GLDC: variants seen among roughly 807,000 people sequenced by gnomAD.
GLDC encodes glycine decarboxylase.
GLDC carries 104 observed loss-of-function variants against 121.3 expected under a neutral mutation model. That is an observed-to-expected ratio of 0.86 (90% CI 0.73 to 1.01). The LOEUF (loss-of-function observed/expected upper bound fraction) is 1.01. Among genes scored for constraint, GLDC ranks in the 50% least tolerant of loss-of-function variants. GLDC has a pLI of 0.00. For missense variants in GLDC, 1,429 were observed against 1,306.6 expected (o/e 1.09, Z -1.44); for synonymous variants, 546 against 480.6 (o/e 1.14, Z -1.78).
At chr9:6,582,834 A>G (rs1036570455) in intron 15 of GLDC, among the ~76,000 whole-genome samples, 10 of 152,162 alleles carry the variant, frequency 6.6e-5, no homozygotes, top group African/African-American at 2.2e-4. Context: ...GTCTCAAAAA[A>G]AAAAAAAAAG....
At chr9:6,602,488 TGCATCA>T (rs1055379820) in intron 7 of GLDC, among the ~76,000 whole-genome samples, 2 of 151,882 alleles carry the variant, frequency 1.3e-5, no homozygotes, top group African/African-American at 2.4e-5. Flanking sequence ...ACGATTCTAC[TGCATCA>T]GCCTCCTGAC....
intron 2 of GLDC, among the ~76,000 whole-genome samples, chr9:6,641,466 G>A (rs145981423): frequency 3.3e-5 from 5 of 152,264 alleles, no homozygotes; most frequent in Non-Finnish European, 5.9e-5. Flanking sequence ...GTACACCCAC[G>A]ACCTTGCAAA....
At chr9:6,597,252 T>A (rs1185072073) in intron 8 of GLDC, among the ~76,000 whole-genome samples, 1 of 152,234 alleles carries the variant, frequency 6.6e-6, no homozygotes, top group Non-Finnish European at 1.5e-5. Context: ...TTCATAGGAA[T>A]AGAATTTCTT....
chr9:6,600,110 T>C (rs1468980757), intron 8 of GLDC, among the ~76,000 whole-genome samples: 1 of 152,188 alleles, frequency 6.6e-6, no homozygotes, highest in Non-Finnish European at 1.5e-5. Context: ...CTCATGCCTA[T>C]AATCCTATCA....
intron 11 of GLDC, among the ~76,000 whole-genome samples, chr9:6,589,494 G>A (rs973831176): frequency 6.6e-6 from 1 of 152,100 alleles, no homozygotes; most frequent in East Asian, 1.9e-4. Flanking sequence ...GCAGTGGCAC[G>A]ATCTCAACTC....
At chr9:6,600,085 G>A (rs542731122) in intron 8 of GLDC, among the ~76,000 whole-genome samples, 1 of 152,292 alleles carries the variant, frequency 6.6e-6, no homozygotes, top group South Asian at 2.1e-4. Context: ...CAATTACAGT[G>A]GCCAGGCACG....
intron 1 of GLDC, 73 bp from the exon 2 acceptor site, chr9:6,644,765 A>T: frequency 9.7e-7 from 1 of 1,026,464 alleles, no homozygotes; most frequent in Non-Finnish European, 1.5e-6. Context: ...TGCGACTACA[A>T]AGCCTTGTGG....
chr9:6,556,659 G>T (rs927825186), intron 17 of GLDC, among the ~76,000 whole-genome samples: 4 of 152,114 alleles, frequency 2.6e-5, no homozygotes, highest in Non-Finnish European at 5.9e-5. Flanking sequence ...CGAGCATGGT[G>T]GCAGGTGCCT....
intron 4 of GLDC, among the ~76,000 whole-genome samples, chr9:6,609,545 C>T (rs1587964391): frequency 1.3e-5 from 2 of 152,124 alleles, no homozygotes; most frequent in East Asian, 1.9e-4. Context: ...GAGAGGCTCC[C>T]GGGCACTCAG....
intron 3 of GLDC, among the ~76,000 whole-genome samples, chr9:6,616,221 TTC>T (rs1034273472): frequency 2.0e-5 from 3 of 152,238 alleles, no homozygotes; most frequent in African/African-American, 7.2e-5. Context: ...TTCTGCAGAA[TTC>T]TGTTTAGATA....
chr9:6,556,432 A>C, intron 17 of GLDC, 130 bp from the exon 18 acceptor site: 2 of 757,686 alleles, frequency 2.6e-6, no homozygotes, highest in Non-Finnish European at 2.3e-6. Flanking sequence ...GAACTGTCTC[A>C]AAGTACAATG....
At chr9:6,550,427 G>C (rs1049754990) in intron 21 of GLDC, among the ~76,000 whole-genome samples, 1 of 152,080 alleles carries the variant, frequency 6.6e-6, no homozygotes, top group East Asian at 1.9e-4. Flanking sequence ...AGGAGTTCGA[G>C]ACCAGCCTGG....
Position 6,633,242 on chromosome 9 carries a change from A to G in GLDC, c.334+11372T>C, listed in dbSNP as rs185054624. Among the ~76,000 whole-genome samples, 6 of 152,186 alleles carry G rather than the reference A, an allele frequency of 3.9e-5. No individual in the cohort carries two copies. In the East Asian group the frequency reaches 9.7e-4, roughly 25 times the overall value. On this transcript the variant is annotated intron_variant, in intron 2 of 24. Coordinates refer to ENST00000321612, the MANE Select transcript of GLDC (RefSeq NM_000170.3). ...CTGAAAATATATCCTTCTGCCTCTG[A>G]TGACTTCATCTCAGACTGCCCTGCC...
chr9:6,540,224 T>C (rs1817226703), intron 21 of GLDC, 78 bp from the exon 22 acceptor site: 4 of 930,198 alleles, frequency 4.3e-6, no homozygotes, highest in Non-Finnish European at 5.4e-6. Context: ...AGTAATTTAA[T>C]AAATAAGTGC....
At position 6,620,289 on chromosome 9, in the gene GLDC, G is replaced by C. The variant is rs748248885; in HGVS notation, c.365C>G (p.Ala122Gly). ...CCAGATCTGGTTTTTGCTTGAAATG[G>C]CATGCAGAGTTGCAAGGATTTCATT... ...CENEILATLHAISSKNQIWRS... is the reference protein window; with the variant it reads ...CENEILATLHGISSKNQIWRS... The change falls in exon 3 of 25, where the codon GCC becomes GGC. Residue 122 changes from alanine (A) to glycine (G), a missense_variant. Coordinates refer to ENST00000321612, the MANE Select transcript of GLDC (RefSeq NM_000170.3). 2 of 1,613,176 alleles carry C rather than the reference G, an allele frequency of 1.2e-6. No individual in the cohort carries two copies. Among genetic ancestry groups the C allele is most frequent in the Non-Finnish European group, 1.7e-6 (2 of 1,179,084 alleles).
intron 16 of GLDC, among the ~76,000 whole-genome samples, chr9:6,559,731 C>T (rs1265356530): frequency 6.8e-6 from 1 of 146,730 alleles, no homozygotes; most frequent in South Asian, 2.2e-4. Flanking sequence ...AGAAGATTCG[C>T]TTGAATCCGG....
intron 15 of GLDC, among the ~76,000 whole-genome samples, chr9:6,570,532 T>C (rs1251059230): frequency 2.6e-5 from 4 of 152,210 alleles, no homozygotes; most frequent in East Asian, 3.8e-4. Context: ...GCAGTGGACC[T>C]ATTTTACTTC....
At chr9:6,582,387 G>A (rs924447754) in intron 15 of GLDC, among the ~76,000 whole-genome samples, 3 of 146,458 alleles carry the variant, frequency 2.0e-5, no homozygotes, top group Non-Finnish European at 4.5e-5. Flanking sequence ...CGGCCACGGG[G>A]GCAGGCACCT....
At chr9:6,610,067 T>G in intron 4 of GLDC, 125 bp downstream of exon 4, 1 of 767,020 alleles carries the variant, frequency 1.3e-6, no homozygotes, top group South Asian at 1.7e-5. Flanking sequence ...AGTTTTTCAG[T>G]TTCTCTGAAA....
Sources: allele counts gnomAD v4.1 joint callset (sites outside exome capture counted in the v4.1 genomes callset), GRCh38; gene constraint gnomAD v4.1.1; transcripts MANE v1.5; gene names NCBI Gene and HGNC (gene_info 2026-07-23, HGNC 2026-07-21).